GALNTL6: variants seen among roughly 807,000 people sequenced by gnomAD.
GALNTL6 encodes polypeptide N-acetylgalactosaminyltransferase like 6.
Under a neutral mutation model 73.7 loss-of-function variants are expected in GALNTL6, and 46 were observed. The observed-to-expected ratio is 0.62, with a 90% confidence interval of 0.49 to 0.80. The LOEUF (loss-of-function observed/expected upper bound fraction) is 0.80. Ranked by LOEUF, GALNTL6 falls within the 30% of genes least tolerant of loss-of-function variation. The pLI, the probability that GALNTL6 is intolerant of heterozygous loss-of-function variation, is 0.00. For synonymous variants in GALNTL6, 259 were observed against 263.7 expected (o/e 0.98, Z 0.17); for missense variants, 604 against 755.0 (o/e 0.80, Z 2.34).
intron 5 of GALNTL6, among the ~76,000 whole-genome samples, chr4:172,603,410 C>T (rs1251140965): frequency 6.6e-6 from 1 of 152,160 alleles, no homozygotes. Flanking sequence ...GGCCATTTTA[C>T]CAAGGCCATT....
At chr4:172,281,038 G>A (rs1739031191) in intron 3 of GALNTL6, among the ~76,000 whole-genome samples, 3 of 151,620 alleles carry the variant, frequency 2.0e-5, no homozygotes, top group Non-Finnish European at 4.4e-5. Flanking sequence ...GCGTGGTGGC[G>A]AGTGCCTGTA....
At chr4:172,318,641 G>A (rs954050133) in intron 4 of GALNTL6, among the ~76,000 whole-genome samples, 5 of 152,146 alleles carry the variant, frequency 3.3e-5, no homozygotes, top group African/African-American at 1.2e-4. Flanking sequence ...GGCAGAGGTT[G>A]CAGTGAGCCA....
At chr4:172,483,249 G>A (rs1733556010) in intron 5 of GALNTL6, among the ~76,000 whole-genome samples, 2 of 152,242 alleles carry the variant, frequency 1.3e-5, no homozygotes, top group African/African-American at 4.8e-5. Context: ...CAGGGGAGGG[G>A]ATAAGGGAAG....
chr4:172,373,274 A>G (rs1742892955), intron 5 of GALNTL6, among the ~76,000 whole-genome samples: 1 of 152,222 alleles, frequency 6.6e-6, no homozygotes, highest in African/African-American at 2.4e-5. Context: ...ATACAGAAGA[A>G]GGCATCCTTG....
At chr4:172,195,604 C>A (rs768587321) in intron 2 of GALNTL6, among the ~76,000 whole-genome samples, 15 of 152,148 alleles carry the variant, frequency 9.9e-5, no homozygotes, top group Non-Finnish European at 4.4e-5. Context: ...GAACAAAGCA[C>A]AATCAAATTA....
intron 5 of GALNTL6, among the ~76,000 whole-genome samples, chr4:172,624,335 A>T (rs918366661): frequency 1.3e-5 from 2 of 151,214 alleles, no homozygotes; most frequent in African/African-American, 2.4e-5. Flanking sequence ...ATAATTTCTT[A>T]TTTCCACCTC....
chr4:172,518,292 A>G (rs1415792179), intron 5 of GALNTL6, among the ~76,000 whole-genome samples: 3 of 151,976 alleles, frequency 2.0e-5, no homozygotes, highest in Non-Finnish European at 4.4e-5. Flanking sequence ...AGCCAAAATC[A>G]AGAAGTTGAA....
intron 3 of GALNTL6, among the ~76,000 whole-genome samples, chr4:172,246,699 A>T (rs1184064759): frequency 6.6e-6 from 1 of 151,680 alleles, no homozygotes; most frequent in Non-Finnish European, 1.5e-5. Flanking sequence ...TTTCTCACAA[A>T]AACTCTATGA....
intron 5 of GALNTL6, among the ~76,000 whole-genome samples, chr4:172,365,260 G>C (rs1057353576): frequency 6.6e-6 from 1 of 152,016 alleles, no homozygotes; most frequent in Non-Finnish European, 1.5e-5. Flanking sequence ...AGGTAATCTT[G>C]GGGCTGACCT....
intron 3 of GALNTL6, among the ~76,000 whole-genome samples, chr4:172,286,086 T>C (rs1157122468): frequency 2.0e-5 from 3 of 152,214 alleles, no homozygotes; most frequent in Non-Finnish European, 4.4e-5. Flanking sequence ...TTTTACTATA[T>C]CATTTTGTGG....
At chr4:172,239,751 G>A (rs942617517) in intron 3 of GALNTL6, among the ~76,000 whole-genome samples, 5 of 151,900 alleles carry the variant, frequency 3.3e-5, no homozygotes, top group South Asian at 2.1e-4. Context: ...TTAATGCTGC[G>A]TTGTGTGGTT....
At chr4:171,875,635 G>A (rs139535577) in intron 2 of GALNTL6, among the ~76,000 whole-genome samples, 255 of 151,958 alleles carry the variant, frequency 1.7e-3, no homozygotes, top group Non-Finnish European at 2.8e-3. Context: ...ATTTTGCCCC[G>A]TTTCCCTTCT....
chr4:172,179,515 C>T (rs549343930), intron 2 of GALNTL6, among the ~76,000 whole-genome samples: 1 of 139,332 alleles, frequency 7.2e-6, no homozygotes, highest in Non-Finnish European at 1.5e-5. Context: ...TTGTTTTTTT[C>T]TTGTAAATTT....
chr4:171,827,135 A>G (rs938058151), intron 2 of GALNTL6, among the ~76,000 whole-genome samples: 1 of 152,184 alleles, frequency 6.6e-6, no homozygotes, highest in Non-Finnish European at 1.5e-5. Flanking sequence ...GGCAGAGATA[A>G]AAAAGTTCCA....
chr4:172,873,877 A>C lies in GALNTL6; in HGVS notation c.924-8913A>C, dbSNP rs1439661320. ...TAAAAAATCCATGCCACATGCAGTA[A>C]ATTTTTGCTTGATATAAAGTGTCAG... On this transcript the variant is annotated intron_variant, in intron 7 of 12. Coordinates refer to ENST00000506823, the MANE Select transcript of GALNTL6 (RefSeq NM_001034845.3). 3.9e-5 allele frequency among the ~76,000 whole-genome samples: 6 copies of C among 152,222 alleles called. No homozygotes were observed. The East Asian group carries it at 1.2e-3, about 29-fold the overall frequency.
At chr4:172,274,607 T>G (rs1426150054) in intron 3 of GALNTL6, among the ~76,000 whole-genome samples, 1 of 152,120 alleles carries the variant, frequency 6.6e-6, no homozygotes, top group Non-Finnish European at 1.5e-5. Context: ...GAGAATAAAA[T>G]GATTGAAAGA....
At chr4:171,909,373 T>C (rs1737405046) in intron 2 of GALNTL6, among the ~76,000 whole-genome samples, 1 of 152,110 alleles carries the variant, frequency 6.6e-6, no homozygotes, top group South Asian at 2.1e-4. Context: ...CTCAGCAGTA[T>C]GGTCTTGTGA....
intron 7 of GALNTL6, among the ~76,000 whole-genome samples, chr4:172,842,430 A>G (rs1032742893): frequency 3.3e-5 from 5 of 152,196 alleles, no homozygotes; most frequent in African/African-American, 1.2e-4. Flanking sequence ...CTGAAGGTCT[A>G]CTAGAGCTTC....
intron 2 of GALNTL6, among the ~76,000 whole-genome samples, chr4:171,978,128 G>T (rs1435917981): frequency 6.6e-6 from 1 of 151,896 alleles, no homozygotes; most frequent in Non-Finnish European, 1.5e-5. Flanking sequence ...CAGAAAATGG[G>T]TGATTTTCAT....
Sources: gnomAD v4.1 joint callset for allele counts (sites outside exome capture counted in the v4.1 genomes callset) on GRCh38, gnomAD v4.1.1 for gene constraint, MANE v1.5 for transcripts, NCBI Gene and HGNC (gene_info 2026-07-23, HGNC 2026-07-21) for gene names.